CD72: variants seen among roughly 807,000 people sequenced by gnomAD.
CD72 encodes the protein B-cell differentiation antigen CD72.
Under a neutral mutation model 50.7 loss-of-function variants are expected in CD72, and 28 were observed. The ratio of observed to expected loss-of-function variants is 0.55; its 90% CI spans 0.41 to 0.76. The LOEUF (loss-of-function observed/expected upper bound fraction) is 0.76, where lower values mean the gene tolerates loss of function less well. CD72 is among the 30% of genes least tolerant of loss of function. The pLI, the probability that CD72 is intolerant of heterozygous loss-of-function variation, is 0.00. For missense variants in CD72, 403 were observed against 420.6 expected, an observed-to-expected ratio of 0.96 and a Z score of 0.37; for synonymous variants, 176 against 171.2, an observed-to-expected ratio of 1.03 and a Z score of -0.22.
At position 35,641,015 on chromosome 9, in the gene CD72, AGCTAC is replaced by A. The variant is rs201553964; in HGVS notation, n.408+5383_408+5387del. On this transcript the variant is annotated intron_variant and non_coding_transcript_variant, in intron 1 of 3. Transcript: ENST00000465754. ...TAAAGGTGGATGCAGTCACCTTCCC[AGCTAC>A]GCTTAGGGATTCTTAGTCGGCCTAG... Among the ~76,000 whole-genome samples the A allele has an allele frequency of 3.4e-4, 52 of 152,320 alleles. No individual in the cohort carries two copies. In the East Asian group the frequency reaches 0.01, roughly 29 times the overall value.
At chr9:35,615,662 T>G (rs1823052579) in intron 5 of CD72, among the ~76,000 whole-genome samples, 1 of 151,484 alleles carries the variant, frequency 6.6e-6, no homozygotes, top group Non-Finnish European at 1.5e-5. Flanking sequence ...GTCACTGATA[T>G]CAACCGGAAG....
intron 1 of CD72, among the ~76,000 whole-genome samples, chr9:35,635,905 T>C (rs1165827572): frequency 6.6e-6 from 1 of 152,142 alleles, no homozygotes; most frequent in Non-Finnish European, 1.5e-5. Context: ...TCACTAGAGT[T>C]TCCTAGAATT....
In CD72 at chr9:35,612,870, A is replaced by C; in HGVS notation, c.812T>G (p.Phe271Cys). Residue 271 changes from phenylalanine to cysteine, a missense_variant, in exon 6 of 9, where the codon TTC becomes TGC. Physicochemically the swap from Phe to Cys is radical, Grantham distance 205 (BLOSUM62 -2). Coordinates refer to ENST00000259633, the MANE Select transcript of CD72 (RefSeq NM_001782.3). The part of the protein sequence containing the change: ...CETLSSKLAT[F>C]SEIYPQSHSY... Reference sequence around the variant, plus strand: ...TACTGATTGTGGATAAATTTCACTGAATGTGGCCAGCTTGGAAGACAGAGT... The same window carrying C: ...TACTGATTGTGGATAAATTTCACTGCATGTGGCCAGCTTGGAAGACAGAGT... 6.2e-7 allele frequency: 1 copy of C among 1,614,170 alleles called. No individual in the cohort carries two copies. The highest frequency in any genetic ancestry group is 8.5e-7 in the Non-Finnish European group (1 of 1,180,028).
intron 1 of CD72, among the ~76,000 whole-genome samples, chr9:35,634,446 G>A (rs1268912856): frequency 2.0e-5 from 3 of 152,154 alleles, no homozygotes; most frequent in Admixed American, 2.0e-4. Flanking sequence ...TCCACCTCCT[G>A]GGTTCAAGCG....
chr9:35,618,069 G>C lies in CD72; in HGVS notation c.135C>G (p.Pro45=). 2 of 1,614,070 alleles carry C rather than the reference G, an allele frequency of 1.2e-6. No individual in the cohort carries two copies. Among genetic ancestry groups the C allele is most frequent in the African/African-American group, 1.3e-5 (1 of 75,026 alleles). ...AGCTTGAGGGCACCCCTAGGACTGC[G>C]GGCACTTGAACATTCTCGTAGGTGA... ...GEITYENVQV[P]AVLGVPSSLA... is the part of the protein sequence containing the mutation. Residue 45 remains proline (P), a synonymous_variant, in exon 2 of 9, where the codon CCC becomes CCG. Transcript: ENST00000259633.
intron 2 of CD72, 25 bp downstream of exon 2, chr9:35,617,987 AAC>A (rs1312201345): frequency 1.5e-6 from 2 of 1,373,286 alleles, no homozygotes; most frequent in African/African-American, 2.9e-5. Context: ...CCCCCCAACA[AAC>A]ACACATCCCC....
chr9:35,623,608 C>A (rs1371362272), upstream of CD72, among the ~76,000 whole-genome samples: 1 of 152,162 alleles, frequency 6.6e-6, no homozygotes, highest in African/African-American at 2.4e-5. Context: ...ACCCCTTTGA[C>A]CTCAGCTGAT....
chr9:35,640,102 C>G (rs923422057), intron 1 of CD72, among the ~76,000 whole-genome samples: 2 of 152,218 alleles, frequency 1.3e-5, no homozygotes, highest in African/African-American at 4.8e-5. Context: ...CATTCTGTGA[C>G]ATTTTTCTGT....
chr9:35,618,914 G>C (rs1823112006), upstream of CD72: 1 of 427,248 alleles, frequency 2.3e-6, no homozygotes, highest in Non-Finnish European at 4.2e-6. Flanking sequence ...AGCACCTCTG[G>C]AAAGGCAAGT....
chr9:35,637,552 C>A (rs1205264637), intron 1 of CD72, among the ~76,000 whole-genome samples: 1 of 152,168 alleles, frequency 6.6e-6, no homozygotes, highest in Non-Finnish European at 1.5e-5. Flanking sequence ...CTCTTGCTAC[C>A]CTTCAATCTC....
chr9:35,618,974 G>T, upstream of CD72: 1 of 328,048 alleles, frequency 3.0e-6, no homozygotes, highest in Non-Finnish European at 6.1e-6. Flanking sequence ...GAGCAGGTGA[G>T]CAAGGGAGTT....
chr9:35,617,205 G>T lies in CD72; in HGVS notation c.233C>A (p.Thr78Lys). Residue 78 changes from threonine to lysine, a missense_variant, in exon 3 of 9, where the codon ACG becomes AAG. Physicochemically the swap from Thr to Lys is moderately conservative, Grantham distance 78. Transcript: ENST00000259633. The part of the protein sequence containing the change: ...EQPTASWRAV[T>K]SPAVGRILPC... Reference sequence around the variant, plus strand: ...GAGAATCCGCCCGACAGCTGGTGACGTCACGGCTCTCCAGGACGCAGTTGG... The same window carrying T: ...GAGAATCCGCCCGACAGCTGGTGACTTCACGGCTCTCCAGGACGCAGTTGG... 1 of 1,569,820 alleles carries T rather than the reference G, an allele frequency of 6.4e-7. No homozygotes were observed. Among genetic ancestry groups the T allele is most frequent in the Non-Finnish European group, 8.6e-7 (1 of 1,156,968 alleles).
intron 1 of CD72, among the ~76,000 whole-genome samples, chr9:35,632,728 CA>C (rs2131784116): frequency 6.6e-6 from 1 of 151,330 alleles, no homozygotes; most frequent in Admixed American, 6.6e-5. Flanking sequence ...AGGTGTCTGC[CA>C]CTGCACCCTG....
chr9:35,623,818 G>A (rs1021079724), upstream of CD72, among the ~76,000 whole-genome samples: 3 of 152,176 alleles, frequency 2.0e-5, no homozygotes. Context: ...GGAGGCTGAG[G>A]CAAGAGAATA....
At chr9:35,627,862 G>A (rs550856733) in intron 1 of CD72, among the ~76,000 whole-genome samples, 7 of 151,382 alleles carry the variant, frequency 4.6e-5, no homozygotes, top group Middle Eastern at 3.4e-3. Flanking sequence ...CAGAGTCAGC[G>A]TCTCACTCTG....
At chr9:35,612,001 C>A (rs1322242233) in intron 6 of CD72, 82 bp from the exon 7 acceptor site, 2 of 776,582 alleles carry the variant, frequency 2.6e-6, no homozygotes, top group Admixed American at 3.8e-5. Flanking sequence ...AGGGAGGCCT[C>A]AGCTTTGGCA....
intron 1 of CD72, among the ~76,000 whole-genome samples, chr9:35,638,173 T>A (rs1408890743): frequency 6.6e-6 from 1 of 152,112 alleles, no homozygotes; most frequent in Non-Finnish European, 1.5e-5. Context: ...CTTCATTCTC[T>A]CCCTAGTCTC....
In CD72 at chr9:35,641,379, T is replaced by G. The variant is rs763894407; in HGVS notation, n.408+5024A>C. Among the ~76,000 whole-genome samples the G allele has an allele frequency of 2.3e-4, 35 of 152,242 alleles. 1 individual carries two copies. The highest frequency in any genetic ancestry group is 2.0e-4 in the Admixed American group (3 of 15,280). On this transcript the variant is annotated intron_variant and non_coding_transcript_variant, in intron 1 of 3. Coordinates refer to the CD72 transcript ENST00000465754. ...GATACAGGGATTGAAATGTATGGCC[T>G]GCAGTGCAGGGAATTACTTCTTTGG...
In CD72 at chr9:35,610,295, G is replaced by T; in HGVS notation, c.*28C>A. ...GAGGGGCACAGGTTCTTGTTGGCAT[G>T]AGTGTCTGGAAAAGTAAAGTATCAG... On this transcript the variant is annotated 3_prime_UTR_variant, in exon 9 of 9. Coordinates refer to ENST00000259633, the MANE Select transcript of CD72 (RefSeq NM_001782.3). 4.1e-6 allele frequency: 1 copy of T among 241,376 alleles called. No individual in the cohort carries two copies. Among genetic ancestry groups the T allele is most frequent in the Non-Finnish European group, 7.9e-6 (1 of 126,754 alleles). 15.0% of individuals were successfully genotyped at this position (241,376 alleles called of 1,614,324 possible).
Sources: gnomAD v4.1 joint callset for allele counts (sites outside exome capture counted in the v4.1 genomes callset) on GRCh38, gnomAD v4.1.1 for gene constraint, MANE v1.5 for transcripts, NCBI Gene and HGNC (gene_info 2026-07-23, HGNC 2026-07-21) for gene names.